The following DENND1B variants were observed in gnomAD, a reference collection of about 807,000 sequenced individuals.
DENND1B encodes the protein DENN domain containing 1B.
DENND1B carries 59 observed loss-of-function variants against 90.1 expected under a neutral mutation model. The ratio of observed to expected loss-of-function variants is 0.65; its 90% CI spans 0.53 to 0.81. The LOEUF (loss-of-function observed/expected upper bound fraction) is 0.81. Among genes scored for constraint, DENND1B ranks in the 40% least tolerant of loss-of-function variants. The pLI is 0.00. For missense variants in DENND1B, 862 were observed against 912.6 expected, an observed-to-expected ratio of 0.94 and a Z score of 0.71; for synonymous variants, 337 against 324.6, an observed-to-expected ratio of 1.04 and a Z score of -0.41.
chr1:197,775,797 C>T (rs1181470494), upstream of DENND1B: 1 of 152,340 alleles, frequency 6.6e-6, no homozygotes, highest in African/African-American at 2.4e-5. Flanking sequence ...GGAAAAGTAC[C>T]TCGACCTGCA....
intron 15 of DENND1B, among the ~76,000 whole-genome samples, chr1:197,572,802 T>A (rs951823253): frequency 2.0e-4 from 31 of 151,894 alleles, no homozygotes; most frequent in Non-Finnish European, 4.0e-4. Context: ...TCCAGCAAAC[T>A]CCAACCGACC....
At chr1:197,519,905 T>C (rs1307508435) in intron 20 of DENND1B, among the ~76,000 whole-genome samples, 2 of 151,774 alleles carry the variant, frequency 1.3e-5, no homozygotes, top group African/African-American at 2.4e-5. Context: ...AATCACTAGA[T>C]GGCAGACATA....
intron 7 of DENND1B, among the ~76,000 whole-genome samples, chr1:197,648,840 G>C (rs930289376): frequency 6.6e-6 from 1 of 152,028 alleles, no homozygotes; most frequent in Non-Finnish European, 1.5e-5. Context: ...CCTCTGCTCT[G>C]TGCTCTTCTA....
chr1:197,763,427 A>G (rs1655343764), intron 2 of DENND1B, among the ~76,000 whole-genome samples: 1 of 152,202 alleles, frequency 6.6e-6, no homozygotes, highest in Non-Finnish European at 1.5e-5. Flanking sequence ...TTTAAAAGCC[A>G]TCTCAGTACC....
intron 10 of DENND1B, among the ~76,000 whole-genome samples, chr1:197,622,187 T>C (rs553418444): frequency 3.8e-4 from 58 of 151,504 alleles, no homozygotes; most frequent in South Asian, 8.3e-4. Context: ...TTGAAAATAA[T>C]AGCAACAACA....
At chr1:197,524,883 G>T (rs545990945) in intron 20 of DENND1B, among the ~76,000 whole-genome samples, 4 of 152,270 alleles carry the variant, frequency 2.6e-5, no homozygotes, top group Non-Finnish European at 4.4e-5. Flanking sequence ...ATTTTAGAGA[G>T]AATATGAGAA....
chr1:197,695,708 G>A (rs1658366023), intron 3 of DENND1B, among the ~76,000 whole-genome samples: 2 of 150,844 alleles, frequency 1.3e-5, no homozygotes, highest in Non-Finnish European at 1.5e-5. Flanking sequence ...TCATGTAATT[G>A]ACTGGTAGTT....
chr1:197,672,286 A>ACTATGTT lies in DENND1B; in HGVS notation c.177-137_177-131dup, dbSNP rs769336297. ...TAATCAGTTGGTTCTTGAAGCTAGA[A>ACTATGTT]CTATGTTCTAAAACTAGAGGAAGTG... On this transcript the variant is annotated intron_variant, in intron 4 of 22. Transcript: ENST00000620048. 770 of 1,118,968 alleles carry ACTATGTT rather than the reference A, an allele frequency of 6.9e-4. 4 individuals are homozygous for ACTATGTT. The highest frequency in any genetic ancestry group is 9.1e-4 in the Non-Finnish European group (735 of 808,508). The allele number at this position is 1,118,968 out of a possible 1,614,324, so 69.3% of individuals were successfully genotyped here.
intron 20 of DENND1B, among the ~76,000 whole-genome samples, chr1:197,526,925 C>T (rs902340132): frequency 1.3e-5 from 2 of 152,222 alleles, no homozygotes; most frequent in East Asian, 3.9e-4. Context: ...TTTTGTGTAA[C>T]TATCTTCTTT....
intron 3 of DENND1B, among the ~76,000 whole-genome samples, chr1:197,687,553 T>C (rs886184226): frequency 6.6e-6 from 1 of 152,202 alleles, no homozygotes; most frequent in Non-Finnish European, 1.5e-5. Context: ...AGTAACTCTT[T>C]ACTCTTCACT....
chr1:197,670,614 T>C (rs1264704903), intron 5 of DENND1B, among the ~76,000 whole-genome samples: 1 of 152,056 alleles, frequency 6.6e-6, no homozygotes. Context: ...TAAATCTCAA[T>C]TTTTTAATGA....
chr1:197,616,532 CTAATAA>C (rs1677662294), intron 11 of DENND1B, among the ~76,000 whole-genome samples: 1 of 151,012 alleles, frequency 6.6e-6, no homozygotes, highest in Non-Finnish European at 1.5e-5. Flanking sequence ...ATTATCAATA[CTAATAA>C]TATTACCATG....
chr1:197,716,489 C>T (rs548305911), intron 2 of DENND1B, among the ~76,000 whole-genome samples: 1 of 151,540 alleles, frequency 6.6e-6, no homozygotes, highest in African/African-American at 2.4e-5. Flanking sequence ...CCTAAAAACA[C>T]TCAAACATAA....
At chr1:197,631,436 C>T (rs1160266489) in intron 10 of DENND1B, among the ~76,000 whole-genome samples, 2 of 151,900 alleles carry the variant, frequency 1.3e-5, no homozygotes, top group African/African-American at 4.8e-5. Context: ...AAACACAAAT[C>T]TCTAATTTTA....
At chr1:197,579,339 A>G (rs1405026778) in intron 15 of DENND1B, among the ~76,000 whole-genome samples, 1 of 152,166 alleles carries the variant, frequency 6.6e-6, no homozygotes, top group Non-Finnish European at 1.5e-5. Flanking sequence ...AACACACTGA[A>G]GATATCATGC....
At position 197,509,003 on chromosome 1, in the gene DENND1B, T is replaced by C. The variant is rs1014719404; in HGVS notation, c.*1457A>G. Reference sequence around the variant, plus strand: ...TCACTCCTGCATGTAGTGACTTCCTTCCAAAAATGACAGCATGGAAAGGGC... The same window carrying C: ...TCACTCCTGCATGTAGTGACTTCCTCCCAAAAATGACAGCATGGAAAGGGC... On this transcript the variant is annotated 3_prime_UTR_variant, in exon 23 of 23. Coordinates refer to ENST00000620048, the MANE Select transcript of DENND1B (RefSeq NM_001195215.2). The C allele has an allele frequency of 2.6e-5, 4 of 151,714 alleles. No individual in the cohort carries two copies. The highest frequency in any genetic ancestry group is 9.7e-5 in the African/African-American group (4 of 41,338). The allele number at this position is 151,714 out of a possible 1,614,324, so 9.4% of individuals were successfully genotyped here.
chr1:197,727,889 T>A (rs997016973), intron 2 of DENND1B, among the ~76,000 whole-genome samples: 1 of 152,136 alleles, frequency 6.6e-6, no homozygotes, highest in African/African-American at 2.4e-5. Flanking sequence ...CCTCCTAAAG[T>A]GTAAACTAAT....
intron 20 of DENND1B, among the ~76,000 whole-genome samples, chr1:197,535,959 T>C (rs758225251): frequency 2.0e-5 from 3 of 148,856 alleles, no homozygotes; most frequent in Non-Finnish European, 4.5e-5. Context: ...AATGAACAAA[T>C]AAGCAGAAAG....
chr1:197,701,685 G>A (rs561037653), intron 3 of DENND1B, among the ~76,000 whole-genome samples: 12 of 152,094 alleles, frequency 7.9e-5, no homozygotes, highest in South Asian at 4.1e-4. Context: ...GAACCACATC[G>A]TCTTCTTTAC....
Sources: gnomAD v4.1 joint callset for allele counts (sites outside exome capture counted in the v4.1 genomes callset) on GRCh38, gnomAD v4.1.1 for gene constraint, MANE v1.5 for transcripts, NCBI Gene and HGNC (gene_info 2026-07-23, HGNC 2026-07-21) for gene names.